The following BNIP3 variants were observed in gnomAD, a reference collection of about 807,000 sequenced individuals.
BNIP3 encodes the protein BCL2/adenovirus E1B 19 kDa protein-interacting protein 3.
Under a neutral mutation model 23.9 loss-of-function variants are expected in BNIP3, and 16 were observed. That is an observed-to-expected ratio of 0.67 (90% CI 0.45 to 1.01). The LOEUF (loss-of-function observed/expected upper bound fraction) is 1.01, where lower values mean the gene tolerates loss of function less well. Among genes scored for constraint, BNIP3 ranks in the 50% least tolerant of loss-of-function variants. The pLI is 0.00. For synonymous variants in BNIP3, 81 were observed against 89.3 expected (o/e 0.91, Z 0.53); for missense variants, 198 against 248.7 (o/e 0.80, Z 1.37).
intron 1 of BNIP3, among the ~76,000 whole-genome samples, chr10:131,975,940 C>T (rs770931682): frequency 6.6e-6 from 1 of 152,222 alleles, no homozygotes; most frequent in African/African-American, 2.4e-5. Flanking sequence ...CCAGTCTGCC[C>T]CACACTCTGG....
intron 3 of BNIP3, 90 bp from the exon 4 acceptor site, chr10:131,971,060 G>T: frequency 8.3e-7 from 1 of 1,203,284 alleles, no homozygotes; most frequent in Non-Finnish European, 1.2e-6. Flanking sequence ...AGATCCGCAG[G>T]CTCAATTCAA....
intron 3 of BNIP3, among the ~76,000 whole-genome samples, chr10:131,972,266 C>A (rs1382559576): frequency 6.6e-6 from 1 of 152,166 alleles, no homozygotes; most frequent in African/African-American, 2.4e-5. Flanking sequence ...ACAGAAAAGT[C>A]ATCTTAGGCT....
In BNIP3 at chr10:131,968,215, C is replaced by T. The variant is rs1011307807; in HGVS notation, c.*309G>A. 1.3e-4 allele frequency: 27 copies of T among 204,602 alleles called. No homozygotes were observed. Among genetic ancestry groups the T allele is most frequent in the African/African-American group, 6.0e-4 (26 of 43,484 alleles). The allele number at this position is 204,602 out of a possible 1,614,324, so 12.7% of individuals were successfully genotyped here. ...CAGATAATTTTTAAAATACAACACACATCATGACTAGTATATTAAAATTAT... is the reference window on the plus strand; with the variant it reads ...CAGATAATTTTTAAAATACAACACATATCATGACTAGTATATTAAAATTAT... On this transcript the variant is annotated 3_prime_UTR_variant, in exon 6 of 6. Coordinates refer to ENST00000368636, the MANE Select transcript of BNIP3 (RefSeq NM_004052.4).
Position 131,981,819 on chromosome 10 carries a change from C to T in BNIP3, c.-13G>A. On this transcript the variant is annotated 5_prime_UTR_variant, in exon 1 of 6. Transcript: ENST00000368636. Reference sequence around the variant, plus strand: ...CGTTCTGCGACATGGCGCCAGAGGGCAACTGCGGCGATCGGAGTCCGCGCC... The same window carrying T: ...CGTTCTGCGACATGGCGCCAGAGGGTAACTGCGGCGATCGGAGTCCGCGCC... 2 of 1,461,428 alleles carry T rather than the reference C, an allele frequency of 1.4e-6. No homozygotes were observed. Among genetic ancestry groups the T allele is most frequent in the Non-Finnish European group, 9.0e-7 (1 of 1,111,882 alleles). The allele number at this position is 1,461,428 out of a possible 1,614,324, so 90.5% of individuals were successfully genotyped here.
At chr10:131,977,828 G>A (rs1045921498) in intron 1 of BNIP3, among the ~76,000 whole-genome samples, 5 of 152,106 alleles carry the variant, frequency 3.3e-5, no homozygotes, top group Non-Finnish European at 5.9e-5. Context: ...AATGACTTTG[G>A]GCCCAAAAGC....
At chr10:131,979,016 G>A (rs373299560) in intron 1 of BNIP3, among the ~76,000 whole-genome samples, 11 of 152,172 alleles carry the variant, frequency 7.2e-5, no homozygotes, top group African/African-American at 2.7e-4. Flanking sequence ...TTCCAACGGG[G>A]CTCGTTTCCC....
chr10:131,967,968 GC>G lies in BNIP3; in HGVS notation c.*555del, dbSNP rs1229979165. 6.6e-6 allele frequency: 1 copy of G among 152,564 alleles called. No homozygotes were observed. The highest frequency in any genetic ancestry group is 2.4e-5 in the African/African-American group (1 of 41,440). The allele number at this position is 152,564 out of a possible 1,614,324, so 9.5% of individuals were successfully genotyped here. ...TACGAACTGTACAGCTGAGTTTGTA[GC>G]TCTATCTTGGTTTCTGTTGATTATG... On this transcript the variant is annotated 3_prime_UTR_variant, in exon 6 of 6. Coordinates refer to ENST00000368636, the MANE Select transcript of BNIP3 (RefSeq NM_004052.4).
chr10:131,979,009 C>T (rs559947655), intron 1 of BNIP3, among the ~76,000 whole-genome samples: 2 of 152,280 alleles, frequency 1.3e-5, no homozygotes, highest in East Asian at 3.9e-4. Context: ...CCCTGGCTTC[C>T]AACGGGGCTC....
rs2037080161 is a variant in BNIP3 at position 131,976,708 on chromosome 10, CCCATCT to C, written c.47-2771_47-2766del. 3.3e-5 allele frequency among the ~76,000 whole-genome samples: 5 copies of C among 152,216 alleles called. No individual in the cohort carries two copies. In the South Asian group the frequency reaches 1.0e-3, roughly 32 times the overall value. On this transcript the variant is annotated intron_variant, in intron 1 of 5. Transcript: ENST00000368636. The surrounding 1 kb of genome is among the most constrained non-coding windows in gnomAD (Gnocchi z 4.3). ...CATGCTACCCGCACCTCATGGCTCCCCCATCTCCATCTCCAGTCCCCTCCCCTCCTA... is the reference window on the plus strand; with the variant it reads ...CATGCTACCCGCACCTCATGGCTCCCCCATCTCCAGTCCCCTCCCCTCCTA...
rs2037081896 is a variant in BNIP3, at chr10:131,976,942, C to T, written c.47-2999G>A. On this transcript the variant is annotated intron_variant, in intron 1 of 5. Transcript: ENST00000368636. This position sits in a 1 kb window ranked among gnomAD's most constrained non-coding sequence, Gnocchi z 4.3. ...GGTCAGGTTGTTCTGCCTATGGAGTCACCATCTTTTTACTGTTTTACTTTC... is the reference window on the plus strand; with the variant it reads ...GGTCAGGTTGTTCTGCCTATGGAGTTACCATCTTTTTACTGTTTTACTTTC... Among the ~76,000 whole-genome samples, 1 of 152,174 alleles carries T rather than the reference C, an allele frequency of 6.6e-6. No individual in the cohort carries two copies. Among genetic ancestry groups the T allele is most frequent in the African/African-American group, 2.4e-5 (1 of 41,424 alleles).
chr10:131,979,112 G>C (rs866430115), intron 1 of BNIP3, among the ~76,000 whole-genome samples: 7 of 152,122 alleles, frequency 4.6e-5, no homozygotes, highest in Non-Finnish European at 8.8e-5. Flanking sequence ...CAGGCATCTG[G>C]GCTCCAGGTA....
intron 1 of BNIP3, among the ~76,000 whole-genome samples, chr10:131,974,890 T>C (rs946549539): frequency 6.6e-6 from 1 of 152,248 alleles, no homozygotes; most frequent in African/African-American, 2.4e-5. Flanking sequence ...AAACTGAGGC[T>C]GGAACGCTGC....
rs150504276 is a variant in BNIP3, at chr10:131,970,908, A to T, written c.345T>A (p.Asp115Glu). 1 of 1,614,178 alleles carries T rather than the reference A, an allele frequency of 6.2e-7. No individual in the cohort carries two copies. The highest frequency in any genetic ancestry group is 1.1e-5 in the South Asian group (1 of 91,084). Reference sequence around the variant, plus strand: ...GCCGACTTGACCAATCCCATATCCAATCTGAGTTTTTCTTCAAGATGCTTT... The same window carrying T: ...GCCGACTTGACCAATCCCATATCCATTCTGAGTTTTTCTTCAAGATGCTTT... ...EVESILKKNS[D>E]WIWDWSSRPE... Residue 115 changes from aspartate (D) to glutamate (E), a missense_variant, in exon 4 of 6, where the codon GAT becomes GAA. Transcript: ENST00000368636. This position sits in a 1 kb window ranked among gnomAD's most constrained non-coding sequence, Gnocchi z 4.1.
At position 131,976,193 on chromosome 10, in the gene BNIP3, A is replaced by G. The variant is rs1020927368; in HGVS notation, c.47-2250T>C. Among the ~76,000 whole-genome samples, 10 of 152,188 alleles carry G rather than the reference A, an allele frequency of 6.6e-5. No individual in the cohort carries two copies. The highest frequency in any genetic ancestry group is 7.3e-5 in the Non-Finnish European group (5 of 68,028). On this transcript the variant is annotated intron_variant, in intron 1 of 5. Transcript: ENST00000368636. This position sits in a 1 kb window ranked among gnomAD's most constrained non-coding sequence, Gnocchi z 4.3. ...GTATTCAGATTCTGGGCCTGCTTCA[A>G]TTTACTTGACTAAAGTGTTGTTCAG...
At chr10:131,974,005 G>C in intron 1 of BNIP3, 62 bp from the exon 2 acceptor site, 1 of 1,596,704 alleles carries the variant, frequency 6.3e-7, no homozygotes, top group South Asian at 1.1e-5. Flanking sequence ...ATCTGCTCTT[G>C]ATATCTAACC....
At chr10:131,980,509 G>A (rs911977446) in intron 1 of BNIP3, 2 of 151,626 alleles carry the variant, frequency 1.3e-5, no homozygotes, top group Non-Finnish European at 2.9e-5. Context: ...CACTTTGGGA[G>A]GCCGAGGCGG....
Position 131,970,965 on chromosome 10 carries a change from C to T in BNIP3, c.288G>A (p.Glu96=), listed in dbSNP as rs2037026820. Residue 96 remains glutamate, a synonymous_variant, in exon 4 of 6, where the codon GAG becomes GAA. Transcript: ENST00000368636. The surrounding 1 kb of genome is among the most constrained non-coding windows in gnomAD (Gnocchi z 4.1). ...SIGEKNSSQS[E]EDDIERRKEV... ...CTTTCCTTCTTTCAATATCATCTTCCTCAGACTAAGATAAAGTCAATGTTA... is the reference window on the plus strand; with the variant it reads ...CTTTCCTTCTTTCAATATCATCTTCTTCAGACTAAGATAAAGTCAATGTTA... The T allele has an allele frequency of 6.2e-7, 1 of 1,613,408 alleles. No homozygotes were observed. Among genetic ancestry groups the T allele is most frequent in the Admixed American group, 1.7e-5 (1 of 60,010 alleles).
chr10:131,977,887 C>T (rs886837790), intron 1 of BNIP3, among the ~76,000 whole-genome samples: 4 of 152,116 alleles, frequency 2.6e-5, no homozygotes, highest in African/African-American at 9.7e-5. Flanking sequence ...TATTATTAAC[C>T]CACAGCAACC....
rs201448443 is a variant in BNIP3 at position 131,973,825 on chromosome 10, T to G, written c.165A>C (p.Gly55=). 70 of 1,612,536 alleles carry G rather than the reference T, an allele frequency of 4.3e-5. No individual in the cohort carries two copies. The highest frequency in any genetic ancestry group is 5.8e-5 in the Non-Finnish European group (69 of 1,180,024). ...KILLDAQHES[G]RSSSKSSHCD... The stretch of plus-strand genomic sequence containing the variant: ...AGTGAGAGCTCTTGGAGCTACTCCG[T>G]CCAGACTCATGCTGTGCGTCCAGCA... The change falls in exon 2 of 6, where the codon GGA becomes GGC. Residue 55 remains glycine, a synonymous_variant. Coordinates refer to ENST00000368636, the MANE Select transcript of BNIP3 (RefSeq NM_004052.4).
Sources: allele counts gnomAD v4.1 joint callset (sites outside exome capture counted in the v4.1 genomes callset), GRCh38; gene constraint gnomAD v4.1.1; non-coding constraint Gnocchi (gnomAD v3.1); transcripts MANE v1.5; gene names NCBI Gene and HGNC (gene_info 2026-07-23, HGNC 2026-07-21).